Variants in AOPEP observed in about 807,000 individuals in gnomAD.
The protein encoded by AOPEP is aminopeptidase O (putative).
In AOPEP, 77 loss-of-function variants were observed where a neutral mutation model predicts 98.1. That is an observed-to-expected ratio of 0.78 (90% CI 0.65 to 0.95). The LOEUF is 0.95. Among genes scored for constraint, AOPEP ranks in the 40% least tolerant of loss-of-function variants. The pLI is 0.00. For synonymous variants in AOPEP, 346 were observed against 365.3 expected, an observed-to-expected ratio of 0.95 and a Z score of 0.60; for missense variants, 1,024 against 1,024.7, an observed-to-expected ratio of 1.00 and a Z score of 0.01.
At chr9:94,928,125 G>A (rs965660714) in intron 6 of AOPEP, among the ~76,000 whole-genome samples, 1 of 152,204 alleles carries the variant, frequency 6.6e-6, no homozygotes, top group Non-Finnish European at 1.5e-5. Context: ...ATGGTCCCAA[G>A]GGAAGCCCAC....
At chr9:94,831,787 GA>G (rs1363258127) in intron 5 of AOPEP, among the ~76,000 whole-genome samples, 1 of 151,676 alleles carries the variant, frequency 6.6e-6, no homozygotes, top group Non-Finnish European at 1.5e-5. Flanking sequence ...GCTACAAAGA[GA>G]AAAAATACCT....
the AOPEP span, chr9:95,107,205 T>C: frequency 6.4e-4 from 1,038 of 1,614,178 alleles, 3 homozygotes; most frequent in African/African-American, 0.011. Flanking sequence ...CTGCAGGTCC[T>C]GGGCTGAGAG....
chr9:94,927,094 C>T (rs1019102804), intron 6 of AOPEP, among the ~76,000 whole-genome samples: 2 of 152,166 alleles, frequency 1.3e-5, no homozygotes, highest in Non-Finnish European at 1.5e-5. Context: ...TGGTGAGGCC[C>T]CTCACTCTTC....
chr9:94,875,583 A>G (rs892652390), intron 5 of AOPEP, among the ~76,000 whole-genome samples: 1 of 152,226 alleles, frequency 6.6e-6, no homozygotes, highest in South Asian at 2.1e-4. Flanking sequence ...GGTTGAAGTA[A>G]GGCTGGAGTG....
At chr9:95,075,211 T>G (rs2068923735) in intron 14 of AOPEP, among the ~76,000 whole-genome samples, 1 of 152,222 alleles carries the variant, frequency 6.6e-6, no homozygotes, top group Admixed American at 6.5e-5. Context: ...TTGGAGTGAC[T>G]TGATGAATTT....
At chr9:94,805,662 T>C (rs1444106108) in intron 5 of AOPEP, among the ~76,000 whole-genome samples, 1 of 152,202 alleles carries the variant, frequency 6.6e-6, no homozygotes, top group Non-Finnish European at 1.5e-5. Flanking sequence ...GATTGTGCAA[T>C]AAAAGACTTC....
At chr9:94,835,834 C>A (rs973984257) in intron 5 of AOPEP, among the ~76,000 whole-genome samples, 10 of 152,166 alleles carry the variant, frequency 6.6e-5, no homozygotes, top group Non-Finnish European at 1.0e-4. Context: ...TCTTCCAGAC[C>A]ATGGTTCAAA....
At chr9:95,017,487 C>T (rs182877321) in intron 13 of AOPEP, among the ~76,000 whole-genome samples, 1 of 152,170 alleles carries the variant, frequency 6.6e-6, no homozygotes, top group African/African-American at 2.4e-5. Context: ...TATGGGACCA[C>T]CGTTGTGTAT....
chr9:94,794,300 G>A (rs528176365), intron 4 of AOPEP, among the ~76,000 whole-genome samples: 29 of 152,258 alleles, frequency 1.9e-4, no homozygotes, highest in African/African-American at 6.3e-4. Context: ...TTTTATACCC[G>A]GCTCAATTGT....
the AOPEP span, among the ~76,000 whole-genome samples, chr9:95,139,146 A>C: frequency 6.6e-6 from 1 of 152,250 alleles, no homozygotes; most frequent in Non-Finnish European, 1.5e-5. Context: ...GCTTTAAATA[A>C]AAAGGCAAAT....
chr9:95,025,625 G>A (rs920539373), intron 13 of AOPEP, among the ~76,000 whole-genome samples: 3 of 152,172 alleles, frequency 2.0e-5, no homozygotes, highest in African/African-American at 7.2e-5. Context: ...TGGTATTTTC[G>A]TTTTGTATAA....
At chr9:95,058,865 A>G (rs2067066321) in intron 13 of AOPEP, among the ~76,000 whole-genome samples, 1 of 152,186 alleles carries the variant, frequency 6.6e-6, no homozygotes, top group African/African-American at 2.4e-5. Context: ...CCTGCAGGAA[A>G]GCACCTCTCT....
At chr9:95,082,084 G>T (rs999962843) in intron 15 of AOPEP, among the ~76,000 whole-genome samples, 12 of 152,106 alleles carry the variant, frequency 7.9e-5, no homozygotes, top group Non-Finnish European at 1.5e-4. Flanking sequence ...CGGGCATCGT[G>T]ATGTGTCTCT....
chr9:94,845,533 G>A (rs187190783), intron 5 of AOPEP, among the ~76,000 whole-genome samples: 3 of 152,194 alleles, frequency 2.0e-5, no homozygotes, highest in African/African-American at 7.2e-5. Flanking sequence ...CAGGAAAGGG[G>A]CAGGGAAGAG....
intron 5 of AOPEP, among the ~76,000 whole-genome samples, chr9:94,890,037 T>G (rs1234099483): frequency 6.6e-6 from 1 of 151,756 alleles, no homozygotes; most frequent in Admixed American, 6.6e-5. Context: ...TTTTTTTTTT[T>G]TTTTTGATAC....
chr9:95,022,676 A>C, intron 13 of AOPEP, among the ~76,000 whole-genome samples: 1 of 151,908 alleles, frequency 6.6e-6, no homozygotes, highest in Non-Finnish European at 1.5e-5. Flanking sequence ...ATTATTGTCT[A>C]TCTTAATATG....
At chr9:94,772,854 A>G (rs1841193149) in intron 2 of AOPEP, 148 bp from the exon 3 acceptor site, 2 of 677,972 alleles carry the variant, frequency 2.9e-6, no homozygotes, top group African/African-American at 3.5e-5. Context: ...TGGCAGCTTC[A>G]GTTCAAAATG....
In AOPEP at chr9:95,060,822, C is replaced by T; in HGVS notation, c.2232+12C>T. The stretch of plus-strand genomic sequence containing the variant: ...ATCAGGATGCAGAGGTAACCAGGAA[C>T]ACTCTCGGAGTTTAACCAGCAGGTC... On this transcript the variant is annotated intron_variant, in intron 14 of 16. Coordinates refer to ENST00000375315, the MANE Select transcript of AOPEP (RefSeq NM_001193329.3). 5 of 1,542,426 alleles carry T rather than the reference C, an allele frequency of 3.2e-6. No individual in the cohort carries two copies. Among genetic ancestry groups the T allele is most frequent in the Non-Finnish European group, 4.5e-6 (5 of 1,114,726 alleles).
At chr9:94,772,802 T>A (rs1204342586) in intron 2 of AOPEP, among the ~76,000 whole-genome samples, 200 bp from the exon 3 acceptor site, 1 of 152,244 alleles carries the variant, frequency 6.6e-6, no homozygotes, top group Non-Finnish European at 1.5e-5. Context: ...AAGTAATTCA[T>A]CTGAGAGAAG....
Sources: allele counts gnomAD v4.1 joint callset (sites outside exome capture counted in the v4.1 genomes callset), GRCh38; gene constraint gnomAD v4.1.1; transcripts MANE v1.5; gene names NCBI Gene and HGNC (gene_info 2026-07-23, HGNC 2026-07-21).